TAB2: variants seen among roughly 807,000 people sequenced by gnomAD.
The protein encoded by TAB2 is TGF-beta-activated kinase 1 and MAP3K7-binding protein 2.
A neutral mutation model predicts 65.0 loss-of-function variants in TAB2; 3 were observed. That is an observed-to-expected ratio of 0.05 (90% CI 0.02 to 0.12). The LOEUF is 0.12. Ranked by LOEUF, TAB2 falls within the 10% of genes least tolerant of loss-of-function variation. TAB2 has a pLI of 1.00. For synonymous variants in TAB2, 298 were observed against 285.1 expected, an observed-to-expected ratio of 1.05 and a Z score of -0.46; for missense variants, 623 against 840.3, an observed-to-expected ratio of 0.74 and a Z score of 3.20.
At chr6:149,369,406 GA>G (rs1781145256) in intron 1 of TAB2, among the ~76,000 whole-genome samples, 1 of 152,156 alleles carries the variant, frequency 6.6e-6, no homozygotes. Flanking sequence ...AAGCTCCTAA[GA>G]ATGAATTGAT....
At chr6:149,384,897 A>G (rs150918079) in intron 3 of TAB2, among the ~76,000 whole-genome samples, 227 of 152,292 alleles carry the variant, frequency 1.5e-3, no homozygotes, top group African/African-American at 5.2e-3. Context: ...GCCAAATACA[A>G]TTTCCACACA....
chr6:149,377,102 C>T (rs1355095213), intron 2 of TAB2, among the ~76,000 whole-genome samples: 3 of 147,584 alleles, frequency 2.0e-5, no homozygotes, highest in African/African-American at 7.5e-5. Context: ...CAGAGTCTCG[C>T]TCTGTCACCC....
At position 149,333,708 on chromosome 6, in the gene TAB2, AGTGTGTGT is replaced by A. The variant is rs61004397; in HGVS notation, c.-90+15724_-90+15731del. Among the ~76,000 whole-genome samples, 189 of 144,890 alleles carry A rather than the reference AGTGTGTGT, an allele frequency of 1.3e-3. 1 individual carries two copies. The highest frequency in any genetic ancestry group is 0.012 in the East Asian group (59 of 4,818). On this transcript the variant is annotated intron_variant, in intron 1 of 6. Coordinates refer to ENST00000637181, the MANE Select transcript of TAB2 (RefSeq NM_001292034.3). ...TATATTCTTTTATTTCCAGATCCATAGTGTGTGTGTGTGTGTGTGTGTGTGTGTGTGTG... is the reference window on the plus strand; with the variant it reads ...TATATTCTTTTATTTCCAGATCCATAGTGTGTGTGTGTGTGTGTGTGTGTG...
At chr6:149,390,115 T>G (rs1479283584) in intron 3 of TAB2, among the ~76,000 whole-genome samples, 1 of 152,224 alleles carries the variant, frequency 6.6e-6, no homozygotes, top group Non-Finnish European at 1.5e-5. Flanking sequence ...AGTCACCAAA[T>G]AAGTGACTAT....
At chr6:149,396,153 G>T (rs1782158816) in intron 3 of TAB2, among the ~76,000 whole-genome samples, 1 of 152,132 alleles carries the variant, frequency 6.6e-6, no homozygotes, top group Non-Finnish European at 1.5e-5. Context: ...AAGTAGCTGG[G>T]ATTACAGGCA....
chr6:149,321,801 T>C (rs1004723987), intron 1 of TAB2, among the ~76,000 whole-genome samples: 6 of 152,198 alleles, frequency 3.9e-5, no homozygotes, highest in African/African-American at 1.4e-4. Context: ...GTGTATGTTA[T>C]ATGAATAAAA....
At chr6:149,307,153 C>T (rs1279096675) in intron 1 of TAB2, among the ~76,000 whole-genome samples, 1 of 151,792 alleles carries the variant, frequency 6.6e-6, no homozygotes, top group Non-Finnish European at 1.5e-5. Flanking sequence ...AATTCCGTTG[C>T]AAATATGGTC....
chr6:149,304,855 A>C (rs1779033796), intron 1 of TAB2, among the ~76,000 whole-genome samples: 1 of 152,142 alleles, frequency 6.6e-6, no homozygotes, highest in South Asian at 2.1e-4. Context: ...TCAAATGCTC[A>C]AGTCCCTTAT....
intron 1 of TAB2, among the ~76,000 whole-genome samples, chr6:149,293,634 C>T (rs1328285532): frequency 6.6e-6 from 1 of 152,186 alleles, no homozygotes; most frequent in Non-Finnish European, 1.5e-5. Context: ...GACAGGGTCC[C>T]AGTGCCTTTT....
In TAB2 at chr6:149,328,809, C is replaced by T. The variant is rs184127696; in HGVS notation, c.-90+10794C>T. 2.4e-3 allele frequency among the ~76,000 whole-genome samples: 365 copies of T among 152,152 alleles called. 2 individuals carry two copies. The highest frequency in any genetic ancestry group is 8.5e-3 in the African/African-American group (351 of 41,486). ...AGGAATCCATAGGAGGTAGTGTCTC[C>T]TATGGATAAGGATTAGGCAGTATCT... On this transcript the variant is annotated intron_variant, in intron 1 of 6. Transcript: ENST00000637181.
At chr6:149,321,076 G>T (rs1367019097) in intron 1 of TAB2, 3 of 152,270 alleles carry the variant, frequency 2.0e-5, no homozygotes, top group Non-Finnish European at 4.4e-5. Flanking sequence ...AGCTAGGAAT[G>T]TGGAGATGTG....
intron 1 of TAB2, among the ~76,000 whole-genome samples, chr6:149,254,451 G>C (rs1777963309): frequency 6.6e-6 from 1 of 152,172 alleles, no homozygotes; most frequent in African/African-American, 2.4e-5. Context: ...TATGACGACT[G>C]TTTCTGAACT....
At chr6:149,286,059 A>T (rs534357305) in intron 1 of TAB2, among the ~76,000 whole-genome samples, 1 of 152,340 alleles carries the variant, frequency 6.6e-6, no homozygotes, top group South Asian at 2.1e-4. Flanking sequence ...GTGTTTCTTT[A>T]AAATAATTTA....
chr6:149,318,245 G>A lies in TAB2; in HGVS notation c.-90+230G>A, dbSNP rs1235866761. On this transcript the variant is annotated intron_variant, in intron 1 of 6. Coordinates refer to ENST00000637181, the MANE Select transcript of TAB2 (RefSeq NM_001292034.3). The stretch of plus-strand genomic sequence containing the variant: ...GTCCGGTGGGGGTGGGGAGCATCGG[G>A]CCGGGCCTGGGCTCCGGGGCGTCCG... Among the ~76,000 whole-genome samples the A allele has an allele frequency of 2.7e-5, 4 of 150,212 alleles. No homozygotes were observed. The East Asian group carries it at 6.0e-4, about 23-fold the overall frequency.
intron 1 of TAB2, among the ~76,000 whole-genome samples, chr6:149,368,130 G>T (rs527673677): frequency 6.6e-6 from 1 of 152,094 alleles, no homozygotes; most frequent in African/African-American, 2.4e-5. Flanking sequence ...TCCAGAAAAG[G>T]AAAAGGATCC....
intron 1 of TAB2, among the ~76,000 whole-genome samples, chr6:149,367,155 A>G (rs1250467879): frequency 6.6e-6 from 1 of 152,102 alleles, no homozygotes; most frequent in African/African-American, 2.4e-5. Flanking sequence ...TGTTTTGGGG[A>G]TGGAGAGATA....
intron 1 of TAB2, among the ~76,000 whole-genome samples, chr6:149,298,726 T>C (rs1005574142): frequency 9.4e-5 from 12 of 128,132 alleles, no homozygotes; most frequent in Non-Finnish European, 2.0e-4. Flanking sequence ...TTACTCTTTA[T>C]TCTAACAAAG....
At chr6:149,387,642 A>T (rs569455792) in intron 3 of TAB2, among the ~76,000 whole-genome samples, 73 of 152,328 alleles carry the variant, frequency 4.8e-4, no homozygotes, top group African/African-American at 1.7e-3. Flanking sequence ...CATAGAAGTC[A>T]ACTGGAATTC....
At chr6:149,314,917 CTT>C (rs1408784465), upstream of TAB2, among the ~76,000 whole-genome samples, 1 of 143,918 alleles carries the variant, frequency 6.9e-6, no homozygotes, top group Non-Finnish European at 1.5e-5. Context: ...GAAAGCCAGT[CTT>C]GTTTTTTCCT....
Sources: allele counts gnomAD v4.1 joint callset (sites outside exome capture counted in the v4.1 genomes callset), GRCh38; gene constraint gnomAD v4.1.1; transcripts MANE v1.5; gene names NCBI Gene and HGNC (gene_info 2026-07-23, HGNC 2026-07-21).